The following CCDC102B variants were observed in gnomAD, a reference collection of about 807,000 sequenced individuals.
CCDC102B encodes coiled-coil domain containing 102B.
A neutral mutation model predicts 57.4 loss-of-function variants in CCDC102B; 75 were observed. That is an observed-to-expected ratio of 1.31 (90% CI 1.08 to 1.58). The LOEUF (loss-of-function observed/expected upper bound fraction) is 1.58, where lower values mean the gene tolerates loss of function less well. CCDC102B is among the 40% of genes most tolerant of loss of function. The pLI is 0.00. For synonymous variants in CCDC102B, 206 were observed against 201.9 expected (o/e 1.02, Z -0.17); for missense variants, 636 against 582.6 (o/e 1.09, Z -0.94).
chr18:68,816,352 T>G (rs574783066), intron 1 of CCDC102B, among the ~76,000 whole-genome samples: 1 of 152,306 alleles, frequency 6.6e-6, no homozygotes, highest in East Asian at 1.9e-4. Context: ...CACTCCAGTT[T>G]TATGGTTTAA....
intron 4 of CCDC102B, among the ~76,000 whole-genome samples, chr18:68,854,537 TA>T (rs199803762): frequency 4.0e-5 from 6 of 150,468 alleles, no homozygotes; most frequent in East Asian, 1.9e-4. Context: ...CTCAGAAATA[TA>T]AAAAAAAAAT....
chr18:69,043,960 T>C (rs1223816774), intron 7 of CCDC102B, among the ~76,000 whole-genome samples: 1 of 152,120 alleles, frequency 6.6e-6, no homozygotes, highest in East Asian at 1.9e-4. Flanking sequence ...GAAATTTTAG[T>C]TCAGAATGTC....
intron 1 of CCDC102B, among the ~76,000 whole-genome samples, chr18:68,821,605 G>C (rs2036692100): frequency 6.6e-6 from 1 of 151,632 alleles, no homozygotes. Context: ...ACAGGCAGCA[G>C]AATAATAAAC....
intron 6 of CCDC102B, among the ~76,000 whole-genome samples, chr18:69,005,909 G>A (rs1265602712): frequency 1.3e-5 from 2 of 151,658 alleles, no homozygotes; most frequent in Non-Finnish European, 2.9e-5. Context: ...TGTATGTACT[G>A]TCAGTTATAT....
At chr18:68,850,216 A>G (rs7235622) in intron 4 of CCDC102B, among the ~76,000 whole-genome samples, 5,249 of 152,234 alleles carry the variant, frequency 0.034, 313 homozygotes, top group African/African-American at 0.12. Flanking sequence ...TATCTTATTA[A>G]TAAGTGCATT....
chr18:69,028,891 A>C (rs945266052), intron 7 of CCDC102B, among the ~76,000 whole-genome samples: 2 of 152,018 alleles, frequency 1.3e-5, no homozygotes, highest in African/African-American at 2.4e-5. Flanking sequence ...TTTTTAAAAA[A>C]AAAACTAGAA....
At chr18:68,952,003 AAAG>A (rs1017086683) in intron 6 of CCDC102B, among the ~76,000 whole-genome samples, 2 of 152,148 alleles carry the variant, frequency 1.3e-5, no homozygotes, top group Admixed American at 1.3e-4. Flanking sequence ...AATAAATTCT[AAAG>A]AATACTAATG....
At chr18:68,760,291 C>G (rs1012103399) in intron 2 of CCDC102B, among the ~76,000 whole-genome samples, 5 of 151,652 alleles carry the variant, frequency 3.3e-5, no homozygotes, top group Non-Finnish European at 7.4e-5. Flanking sequence ...AAATTCACAC[C>G]CCAACGACCT....
chr18:68,846,174 T>A, intron 3 of CCDC102B, 139 bp from the exon 4 acceptor site: 1 of 424,534 alleles, frequency 2.4e-6, no homozygotes, highest in Non-Finnish European at 4.2e-6. Context: ...TTTTAATGAG[T>A]TGCAAAATGT....
chr18:68,838,614 G>T, intron 2 of CCDC102B, 92 bp from the exon 3 acceptor site: 1 of 1,496,166 alleles, frequency 6.7e-7, no homozygotes. Flanking sequence ...ATTGGTTGTG[G>T]TATCGTAACA....
At chr18:68,726,679 A>G (rs1178556051) in intron 2 of CCDC102B, among the ~76,000 whole-genome samples, 1 of 152,232 alleles carries the variant, frequency 6.6e-6, no homozygotes, top group East Asian at 1.9e-4. Context: ...TTTTCAACAT[A>G]CATTTGCCTC....
intron 6 of CCDC102B, among the ~76,000 whole-genome samples, chr18:68,945,813 G>T (rs1272605352): frequency 1.3e-5 from 2 of 151,980 alleles, no homozygotes; most frequent in Non-Finnish European, 2.9e-5. Flanking sequence ...GCCTGTTGTT[G>T]CTGATACTAC....
chr18:69,032,922 G>T (rs1288128235), intron 7 of CCDC102B, among the ~76,000 whole-genome samples: 1 of 152,008 alleles, frequency 6.6e-6, no homozygotes. Flanking sequence ...CTGCAATAAA[G>T]TGTTTACTAG....
intron 4 of CCDC102B, among the ~76,000 whole-genome samples, chr18:68,867,286 G>A (rs1444429166): frequency 6.6e-6 from 1 of 152,064 alleles, no homozygotes; most frequent in Non-Finnish European, 1.5e-5. Flanking sequence ...CACCGCGCCC[G>A]GCCTTCCCCT....
intron 2 of CCDC102B, among the ~76,000 whole-genome samples, chr18:68,789,337 T>C (rs1458531170): frequency 6.6e-6 from 1 of 152,048 alleles, no homozygotes; most frequent in African/African-American, 2.4e-5. Context: ...GGAGTATCTT[T>C]GTGGCGTTCT....
chr18:68,903,119 A>T (rs1568321024), intron 6 of CCDC102B, among the ~76,000 whole-genome samples: 2 of 152,188 alleles, frequency 1.3e-5, no homozygotes, highest in South Asian at 2.1e-4. Context: ...AGAAGTCAGG[A>T]TGAATGGATA....
intron 6 of CCDC102B, among the ~76,000 whole-genome samples, chr18:68,967,800 A>T (rs906376064): frequency 2.6e-5 from 4 of 152,162 alleles, no homozygotes; most frequent in African/African-American, 9.7e-5. Flanking sequence ...CATAGCACTG[A>T]GTTGGAAACA....
At chr18:68,808,974 T>A (rs942491700) in intron 1 of CCDC102B, among the ~76,000 whole-genome samples, 2 of 152,230 alleles carry the variant, frequency 1.3e-5, no homozygotes, top group African/African-American at 4.8e-5. Context: ...GCTATTTCTA[T>A]TCAGAAGTAA....
intron 4 of CCDC102B, among the ~76,000 whole-genome samples, chr18:68,849,008 G>A (rs2144827394): frequency 6.6e-6 from 1 of 152,050 alleles, no homozygotes; most frequent in Non-Finnish European, 1.5e-5. Context: ...TCATCTTTTT[G>A]TGATCATAAC....
Sources: allele counts gnomAD v4.1 joint callset (sites outside exome capture counted in the v4.1 genomes callset), GRCh38; gene constraint gnomAD v4.1.1; transcripts MANE v1.5; gene names NCBI Gene and HGNC (gene_info 2026-07-23, HGNC 2026-07-21).